Variants in OSBPL10 observed in about 807,000 individuals in gnomAD.
OSBPL10 encodes the protein oxysterol binding protein like 10.
In OSBPL10, 49 loss-of-function variants were observed where a neutral mutation model predicts 81.7. The observed-to-expected ratio is 0.60, with a 90% CI of 0.48 to 0.76. The LOEUF (loss-of-function observed/expected upper bound fraction) is 0.76, where lower values mean the gene tolerates loss of function less well. Among genes scored for constraint, OSBPL10 ranks in the 30% least tolerant of loss-of-function variants. OSBPL10 has a pLI of 0.00. For synonymous variants in OSBPL10, 419 were observed against 383.6 expected (o/e 1.09, Z -1.08); for missense variants, 923 against 987.8 (o/e 0.93, Z 0.88).
chr3:31,848,709 T>C (rs984345975), intron 3 of OSBPL10, among the ~76,000 whole-genome samples: 1 of 152,160 alleles, frequency 6.6e-6, no homozygotes, highest in African/African-American at 2.4e-5. Flanking sequence ...TGAAAAAGCA[T>C]TTCTGGCCAA....
chr3:31,924,359 CCA>C (rs1404737670), intron 1 of OSBPL10, among the ~76,000 whole-genome samples: 1 of 152,128 alleles, frequency 6.6e-6, no homozygotes, highest in Non-Finnish European at 1.5e-5. Flanking sequence ...GAGAGCCCCA[CCA>C]CAGAGCCCGG....
At chr3:31,743,285 C>T (rs1020625099) in intron 5 of OSBPL10, among the ~76,000 whole-genome samples, 2 of 151,946 alleles carry the variant, frequency 1.3e-5, no homozygotes, top group African/African-American at 4.8e-5. Context: ...GTGATCCACC[C>T]GGCCCGGCCT....
In OSBPL10 at chr3:31,949,786, A is replaced by G. The variant is rs943470525; in HGVS notation, c.281+31113T>C. Among the ~76,000 whole-genome samples the G allele has an allele frequency of 1.3e-5, 2 of 151,902 alleles. 1 individual carries two copies. Among genetic ancestry groups the G allele is most frequent in the Admixed American group, 1.3e-4 (2 of 15,204 alleles). On this transcript the variant is annotated intron_variant, in intron 1 of 11. Coordinates refer to ENST00000396556, the MANE Select transcript of OSBPL10 (RefSeq NM_017784.5). Reference sequence around the variant, plus strand: ...GAGAGAGGTAACTTCTGAAACTTTCAGCAGAAAATATAAGAGAATATCTCT... The same window carrying G: ...GAGAGAGGTAACTTCTGAAACTTTCGGCAGAAAATATAAGAGAATATCTCT...
Position 31,668,768 on chromosome 3 carries a change from C to T in OSBPL10, c.1970G>A (p.Gly657Glu). The T allele has an allele frequency of 6.2e-7, 1 of 1,614,038 alleles. No homozygotes were observed. The highest frequency in any genetic ancestry group is 1.1e-5 in the South Asian group (1 of 91,052). Reference protein sequence around the residue: ...PTNTIVCKAHGEWNGTLEFTY... With the variant: ...PTNTIVCKAHEEWNGTLEFTY... ...GAACTCTAAAGTACCATTCCATTCC[C>T]CATGGGCTTTACAAACAATGGTGTT... The change falls in exon 10 of 12, where the codon GGG (glycine) becomes GAG (glutamate). Residue 657 changes from glycine to glutamate, a missense_variant. This residue lies in a region of OSBPL10 where 387 missense variants were observed against 436.3 expected (regional missense o/e 0.89). Coordinates refer to ENST00000396556, the MANE Select transcript of OSBPL10 (RefSeq NM_017784.5).
chr3:31,938,532 T>TA (rs963563887), intron 1 of OSBPL10, among the ~76,000 whole-genome samples: 2 of 152,160 alleles, frequency 1.3e-5, no homozygotes, highest in Non-Finnish European at 2.9e-5. Context: ...TTTGTTTAGA[T>TA]AGAGCCCACT....
intron 7 of OSBPL10, among the ~76,000 whole-genome samples, chr3:31,702,002 A>G (rs542999275): frequency 6.6e-6 from 1 of 152,022 alleles, no homozygotes. Flanking sequence ...GTGCATAGCC[A>G]TCTCTATAGG....
intron 4 of OSBPL10, among the ~76,000 whole-genome samples, chr3:31,771,767 T>C (rs1370029804): frequency 6.6e-6 from 1 of 152,210 alleles, no homozygotes; most frequent in African/African-American, 2.4e-5. Context: ...AGAAGGTATA[T>C]ACGCTCTGGA....
intron 4 of OSBPL10, among the ~76,000 whole-genome samples, chr3:31,806,789 T>TG (rs1699531957): frequency 1.1e-5 from 1 of 94,722 alleles, no homozygotes; most frequent in Non-Finnish European, 2.1e-5. Flanking sequence ...TAGAGGAAGT[T>TG]GGGGGGTGGG....
intron 1 of OSBPL10, among the ~76,000 whole-genome samples, chr3:31,901,773 C>T (rs1184415091): frequency 1.3e-5 from 2 of 152,280 alleles, no homozygotes; most frequent in East Asian, 3.9e-4. Context: ...TTAGGCCAAT[C>T]GCACCTGTAA....
intron 5 of OSBPL10, among the ~76,000 whole-genome samples, chr3:31,738,872 G>T (rs1461268772): frequency 6.6e-6 from 1 of 151,664 alleles, no homozygotes; most frequent in South Asian, 2.1e-4. Flanking sequence ...AAAAGAAGCA[G>T]AATTAAGAAC....
At chr3:32,010,707 ACAGATGG>A (rs1374570094) in intron 2 of OSBPL10, among the ~76,000 whole-genome samples, 2 of 152,196 alleles carry the variant, frequency 1.3e-5, no homozygotes, top group African/African-American at 4.8e-5. Context: ...GAACAGGGTG[ACAGATGG>A]CACCTGGAAA....
chr3:31,827,519 T>C (rs1180142335), intron 4 of OSBPL10, among the ~76,000 whole-genome samples: 5 of 151,808 alleles, frequency 3.3e-5, no homozygotes, highest in Non-Finnish European at 7.4e-5. Flanking sequence ...GCCTGTAGTC[T>C]CAGCTACTCA....
Position 31,965,691 on chromosome 3 carries a change from A to T in OSBPL10, c.281+15208T>A, listed in dbSNP as rs1450581461. 4.0e-4 allele frequency among the ~76,000 whole-genome samples: 19 copies of T among 46,918 alleles called. 2 individuals are homozygous for T. Among genetic ancestry groups the T allele is most frequent in the African/African-American group, 2.4e-3 (13 of 5,480 alleles). 30.8% of individuals were successfully genotyped at this position (46,918 alleles called of 152,430 possible). On this transcript the variant is annotated intron_variant, in intron 1 of 11. Coordinates refer to ENST00000396556, the MANE Select transcript of OSBPL10 (RefSeq NM_017784.5). ...ATTTTATATAATATATATTATATAA[A>T]ATATATAATATATTATATAAAATAT...
intron 1 of OSBPL10, among the ~76,000 whole-genome samples, chr3:31,965,597 T>A (rs866206141): frequency 4.8e-3 from 361 of 75,656 alleles, no homozygotes; most frequent in Non-Finnish European, 5.2e-3. Flanking sequence ...AAATTATATA[T>A]TATATAATAT....
chr3:31,993,706 A>ACAC (rs1699060266), intron 2 of OSBPL10, among the ~76,000 whole-genome samples: 1 of 151,846 alleles, frequency 6.6e-6, no homozygotes, highest in African/African-American at 2.4e-5. Flanking sequence ...ACACACACAC[A>ACAC]AAACTGAGGA....
At chr3:31,688,486 A>G (rs1219206500) in intron 7 of OSBPL10, among the ~76,000 whole-genome samples, 1 of 152,066 alleles carries the variant, frequency 6.6e-6, no homozygotes, top group Non-Finnish European at 1.5e-5. Flanking sequence ...CTCCACCTGC[A>G]AGGCTCTTTT....
At chr3:31,841,153 C>T (rs1009120199) in intron 3 of OSBPL10, among the ~76,000 whole-genome samples, 4 of 152,166 alleles carry the variant, frequency 2.6e-5, no homozygotes, top group African/African-American at 4.8e-5. Flanking sequence ...GGTGATCCAC[C>T]GCCTCGGCCT....
At chr3:31,990,955 A>G in intron 2 of OSBPL10, 1 of 1,574,316 alleles carries the variant, frequency 6.4e-7, no homozygotes, top group Non-Finnish European at 8.6e-7. Context: ...CAAATGTCAT[A>G]AGCGTGGCAA....
Position 31,876,528 on chromosome 3 carries a change from CAG to C in OSBPL10, c.458-18_458-17del. ...GCATCAGCAGCTAAAATAGAGAAAA[CAG>C]AGAAAGAAATGATTGCAGAGATTGT... is the stretch of plus-strand genomic sequence containing the variant. On this transcript the variant is annotated splice_polypyrimidine_tract_variant and intron_variant, in intron 2 of 11. Coordinates refer to ENST00000396556, the MANE Select transcript of OSBPL10 (RefSeq NM_017784.5). The C allele has an allele frequency of 2.5e-6, 4 of 1,597,944 alleles. No homozygotes were observed. Among genetic ancestry groups the C allele is most frequent in the Non-Finnish European group, 3.4e-6 (4 of 1,165,388 alleles).
Sources: gnomAD v4.1 joint callset for allele counts (sites outside exome capture counted in the v4.1 genomes callset) on GRCh38, gnomAD v4.1.1 for gene constraint, gnomAD v4.1.1 regional missense constraint, MANE v1.5 for transcripts, NCBI Gene and HGNC (gene_info 2026-07-23, HGNC 2026-07-21) for gene names.